Variants in AP4S1 observed in about 807,000 individuals in gnomAD.
AP4S1 encodes adaptor related protein complex 4 subunit sigma 1, also known as AP-4 complex subunit sigma-1.
A neutral mutation model predicts 19.8 loss-of-function variants in AP4S1; 23 were observed. The ratio of observed to expected loss-of-function variants is 1.16; its 90% CI spans 0.84 to 1.65. The LOEUF is 1.65. Among genes scored for constraint, AP4S1 ranks in the 40% most tolerant of loss-of-function variants. The pLI is 0.00. For synonymous variants in AP4S1, 46 were observed against 54.1 expected (o/e 0.85, Z 0.66); for missense variants, 166 against 172.8 (o/e 0.96, Z 0.22).
intron 1 of AP4S1, chr14:31,026,071 C>A: frequency 2.6e-6 from 4 of 1,528,508 alleles, no homozygotes; most frequent in Non-Finnish European, 3.5e-6. Flanking sequence ...CCCCCGCCGC[C>A]CGCCGCTCCG....
intron 1 of AP4S1, among the ~76,000 whole-genome samples, chr14:31,065,644 T>A (rs192971410): frequency 2.5e-4 from 38 of 152,274 alleles, no homozygotes; most frequent in Non-Finnish European, 4.3e-4. Context: ...GGTTTTTATT[T>A]TTTTATTTTA....
intron 1 of AP4S1, among the ~76,000 whole-genome samples, chr14:31,051,034 C>T (rs1885759955): frequency 1.3e-5 from 2 of 151,984 alleles, no homozygotes; most frequent in East Asian, 1.9e-4. Context: ...GCGGGAGGAT[C>T]GCTTGAGCCC....
At chr14:31,075,981 C>T (rs568288933) in intron 4 of AP4S1, among the ~76,000 whole-genome samples, 1 of 152,298 alleles carries the variant, frequency 6.6e-6, no homozygotes, top group African/African-American at 2.4e-5. Flanking sequence ...GGTGATCCGC[C>T]TGCCTCGGCC....
intron 1 of AP4S1, among the ~76,000 whole-genome samples, chr14:31,039,453 G>A (rs1488153699): frequency 6.6e-6 from 1 of 152,118 alleles, no homozygotes; most frequent in African/African-American, 2.4e-5. Flanking sequence ...CCAAAGAGCT[G>A]AGATCACAGG....
chr14:31,064,441 C>T (rs1225325921), intron 1 of AP4S1, among the ~76,000 whole-genome samples: 1 of 152,078 alleles, frequency 6.6e-6, no homozygotes, highest in Non-Finnish European at 1.5e-5. Context: ...CCTGCCTCAG[C>T]CTTCTGAGTA....
intron 4 of AP4S1, among the ~76,000 whole-genome samples, chr14:31,077,935 CAT>C (rs1887454259): frequency 6.6e-6 from 1 of 152,028 alleles, no homozygotes; most frequent in Admixed American, 6.6e-5. Flanking sequence ...AGGGTTTCAC[CAT>C]ATTGGCCAGG....
chr14:31,030,486 G>A (rs1884324523), intron 1 of AP4S1, among the ~76,000 whole-genome samples: 1 of 152,092 alleles, frequency 6.6e-6, no homozygotes, highest in African/African-American at 2.4e-5. Context: ...AAGACTACCT[G>A]TACACAACAT....
chr14:31,054,789 G>C (rs971427835), intron 1 of AP4S1, among the ~76,000 whole-genome samples: 1 of 149,990 alleles, frequency 6.7e-6, no homozygotes, highest in African/African-American at 2.5e-5. Context: ...GATCACCGGA[G>C]GCTGGGAGCT....
intron 4 of AP4S1, among the ~76,000 whole-genome samples, chr14:31,077,739 CTTTT>C (rs71112379): frequency 7.4e-6 from 1 of 135,232 alleles, no homozygotes. Flanking sequence ...TTTCTTTTTT[CTTTT>C]TTTTTTTTTT....
intron 3 of AP4S1, among the ~76,000 whole-genome samples, chr14:31,070,280 A>G (rs1298103186): frequency 1.3e-5 from 2 of 152,126 alleles, no homozygotes; most frequent in Admixed American, 6.6e-5. Flanking sequence ...TTTTTTTAAG[A>G]GACAGGCTAG....
At chr14:31,059,798 A>G (rs933417952) in intron 1 of AP4S1, among the ~76,000 whole-genome samples, 2 of 152,002 alleles carry the variant, frequency 1.3e-5, no homozygotes, top group African/African-American at 4.8e-5. Context: ...TGGTCTAGAT[A>G]AATGAAGGCA....
intron 5 of AP4S1, chr14:31,085,647 C>A: frequency 1.5e-6 from 1 of 669,368 alleles, no homozygotes; most frequent in Non-Finnish European, 1.8e-6. Flanking sequence ...GTGGTGTGTG[C>A]CTATAGTCCC....
At chr14:31,072,409 T>G (rs1013861803) in intron 3 of AP4S1, among the ~76,000 whole-genome samples, 1 of 151,996 alleles carries the variant, frequency 6.6e-6, no homozygotes, top group African/African-American at 2.4e-5. Context: ...CTCGCTCTGT[T>G]TCCCAGGCGG....
At chr14:31,052,670 C>T (rs182303052) in intron 1 of AP4S1, among the ~76,000 whole-genome samples, 1 of 147,476 alleles carries the variant, frequency 6.8e-6, no homozygotes, top group East Asian at 2.1e-4. Flanking sequence ...GGAGGTTACA[C>T]TGAGCCAAAA....
At chr14:31,045,470 C>T (rs528188250) in intron 1 of AP4S1, among the ~76,000 whole-genome samples, 1 of 152,218 alleles carries the variant, frequency 6.6e-6, no homozygotes, top group East Asian at 1.9e-4. Flanking sequence ...GTGACCCTTT[C>T]CCCCTTCACT....
At chr14:31,073,451 C>G (rs1490440857) in intron 4 of AP4S1, among the ~76,000 whole-genome samples, 2 of 145,376 alleles carry the variant, frequency 1.4e-5, no homozygotes, top group African/African-American at 2.5e-5. Flanking sequence ...GATCCCGCCA[C>G]TGCACTCCAG....
At chr14:31,041,992 C>T (rs752278582) in intron 1 of AP4S1, among the ~76,000 whole-genome samples, 3 of 152,146 alleles carry the variant, frequency 2.0e-5, no homozygotes, top group Non-Finnish European at 4.4e-5. Context: ...TCACACCCGG[C>T]TAATTTTTTT....
At position 31,069,929 on chromosome 14, in the gene AP4S1, G is replaced by A. The variant is rs955904625; in HGVS notation, c.225G>A (p.Glu75=). The A allele has an allele frequency of 1.2e-6, 2 of 1,605,472 alleles. No individual in the cohort carries two copies. The highest frequency in any genetic ancestry group is 1.7e-6 in the Non-Finnish European group (2 of 1,172,258). Residue 75 remains glutamate, a splice_region_variant and synonymous_variant, in exon 3 of 6, where the codon GAG becomes GAA. Coordinates refer to ENST00000542754, the MANE Select transcript of AP4S1 (RefSeq NM_001128126.3). ...TTGTGGTTGGAGTTAATGACACTGA[G>A]GTAAGATAATAGAAGAGCCCTTGGA... ...LFIVVGVNDT[E]NEMAIYEFIH... is the part of the protein sequence containing the mutation.
At chr14:31,031,585 C>G (rs1348598102) in intron 1 of AP4S1, among the ~76,000 whole-genome samples, 1 of 152,174 alleles carries the variant, frequency 6.6e-6, no homozygotes, top group African/African-American at 2.4e-5. Flanking sequence ...AATATTTCCT[C>G]CTCTATTGGA....
Sources: allele counts gnomAD v4.1 joint callset (sites outside exome capture counted in the v4.1 genomes callset), GRCh38; gene constraint gnomAD v4.1.1; transcripts MANE v1.5; gene names NCBI Gene and HGNC (gene_info 2026-07-23, HGNC 2026-07-21).